The following QPCT variants were observed in gnomAD, a reference collection of about 807,000 sequenced individuals.
QPCT encodes the protein EC.
A neutral mutation model predicts 43.4 loss-of-function variants in QPCT; 44 were observed. That is an observed-to-expected ratio of 1.01 (90% CI 0.80 to 1.30). The LOEUF is 1.30. QPCT is among the 50% of genes most tolerant of loss of function. QPCT has a pLI of 0.00. For synonymous variants in QPCT, 168 were observed against 168.4 expected (o/e 1.00, Z 0.02); for missense variants, 526 against 436.5 (o/e 1.21, Z -1.83).
chr2:37,357,733 A>G (rs1005676482), intron 2 of QPCT, among the ~76,000 whole-genome samples: 1 of 152,114 alleles, frequency 6.6e-6, no homozygotes, highest in African/African-American at 2.4e-5. Context: ...CGACTGTAGG[A>G]TCAGTGTCCT....
intron 1 of QPCT, among the ~76,000 whole-genome samples, chr2:37,347,209 TATATATAAC>T (rs1672519407): frequency 1.0e-5 from 1 of 97,564 alleles, no homozygotes; most frequent in Non-Finnish European, 1.9e-5. Context: ...ATATATAACA[TATATATAAC>T]ATATATATAT....
At chr2:37,351,072 A>G (rs1272204539) in intron 1 of QPCT, among the ~76,000 whole-genome samples, 1 of 152,240 alleles carries the variant, frequency 6.6e-6, no homozygotes, top group Non-Finnish European at 1.5e-5. Flanking sequence ...CTCGGAGTAT[A>G]GATGAGTGTA....
intron 5 of QPCT, 126 bp from the exon 6 acceptor site, chr2:37,372,230 G>A: frequency 1.3e-6 from 1 of 740,998 alleles, no homozygotes; most frequent in South Asian, 1.6e-5. Context: ...CATGCTTGCT[G>A]TTGCATAATC....
intron 3 of QPCT, among the ~76,000 whole-genome samples, chr2:37,366,611 G>T (rs534467963): frequency 6.6e-6 from 1 of 152,200 alleles, no homozygotes; most frequent in African/African-American, 2.4e-5. Context: ...CCCAAGAAGC[G>T]CCCTCTGACA....
chr2:37,345,631 C>G (rs1447259113), intron 1 of QPCT, among the ~76,000 whole-genome samples: 1 of 151,800 alleles, frequency 6.6e-6, no homozygotes, highest in Non-Finnish European at 1.5e-5. Context: ...GTCAGGAGAT[C>G]GAGACCATCA....
In QPCT at chr2:37,372,933, C is replaced by A; in HGVS notation, c.*106C>A. ...ACAAATGCTGTGTGGAAACATCTAT[C>A]CTATAGATCATCCTATTCTTATGTG... On this transcript the variant is annotated 3_prime_UTR_variant, in exon 7 of 7. Transcript: ENST00000338415. 8.4e-6 allele frequency: 8 copies of A among 949,584 alleles called. No individual in the cohort carries two copies. The highest frequency in any genetic ancestry group is 1.1e-5 in the Non-Finnish European group (7 of 653,730). 58.8% of individuals were successfully genotyped at this position (949,584 alleles called of 1,614,324 possible).
chr2:37,345,272 A>C (rs1040925830), intron 1 of QPCT, among the ~76,000 whole-genome samples: 4 of 151,332 alleles, frequency 2.6e-5, no homozygotes, highest in Non-Finnish European at 5.9e-5. Context: ...GTGTGCCCAC[A>C]GCCCCCCCGC....
At chr2:37,362,596 G>A (rs1672874398) in intron 3 of QPCT, among the ~76,000 whole-genome samples, 1 of 152,184 alleles carries the variant, frequency 6.6e-6, no homozygotes, top group African/African-American at 2.4e-5. Flanking sequence ...AAAACAATCA[G>A]GGAAACTCCA....
chr2:37,367,047 CTG>C (rs1326651427), intron 3 of QPCT, 183 bp from the exon 4 acceptor site: 1 of 604,382 alleles, frequency 1.7e-6, no homozygotes, highest in Admixed American at 3.1e-5. Flanking sequence ...TGGGTGAAGA[CTG>C]TGGGAGGTGT....
At chr2:37,359,512 A>C in intron 2 of QPCT, 68 bp from the exon 3 acceptor site, 1 of 1,451,882 alleles carries the variant, frequency 6.9e-7, no homozygotes, top group Admixed American at 2.2e-5. Flanking sequence ...TTAAAATTTC[A>C]GAATCACAGT....
At chr2:37,345,124 A>G (rs2124928348) in intron 1 of QPCT, among the ~76,000 whole-genome samples, 1 of 152,236 alleles carries the variant, frequency 6.6e-6, no homozygotes, top group South Asian at 2.1e-4. Context: ...GGGTGCTGAT[A>G]GGCACAGGAA....
At position 37,357,724 on chromosome 2, in the gene QPCT, G is replaced by A. The variant is rs185263520; in HGVS notation, c.268-1856G>A. 1.1e-4 allele frequency among the ~76,000 whole-genome samples: 16 copies of A among 152,248 alleles called. No individual in the cohort carries two copies. The East Asian group carries it at 2.1e-3, about 20-fold the overall frequency. ...TTGTTTAGTTGGCTTTTGCAGGACC[G>A]ACTGTAGGATCAGTGTCCTCCCACT... On this transcript the variant is annotated intron_variant, in intron 2 of 6. Coordinates refer to ENST00000338415, the MANE Select transcript of QPCT (RefSeq NM_012413.4).
intron 3 of QPCT, among the ~76,000 whole-genome samples, chr2:37,365,845 A>T (rs2124940944): frequency 6.6e-6 from 1 of 152,310 alleles, no homozygotes; most frequent in South Asian, 2.1e-4. Context: ...GAGTGACTGA[A>T]CTAAGAAAAT....
chr2:37,355,286 G>A (rs1355874800), intron 2 of QPCT, among the ~76,000 whole-genome samples: 1 of 152,168 alleles, frequency 6.6e-6, no homozygotes, highest in Non-Finnish European at 1.5e-5. Flanking sequence ...CATTTTGAAA[G>A]TGAGGTACAT....
intron 4 of QPCT, chr2:37,368,574 C>G: frequency 2.1e-6 from 1 of 471,102 alleles, no homozygotes; most frequent in Admixed American, 2.3e-5. Context: ...CATTCTGTGT[C>G]CTCTGTGACC....
At chr2:37,369,342 G>T (rs894105649) in intron 4 of QPCT, among the ~76,000 whole-genome samples, 1 of 152,248 alleles carries the variant, frequency 6.6e-6, no homozygotes, top group African/African-American at 2.4e-5. Flanking sequence ...TAGAAGATCA[G>T]ATAGGCTTGG....
At chr2:37,344,907 C>T (rs1021950595) in intron 1 of QPCT, 56 bp downstream of exon 1, 17 of 1,489,272 alleles carry the variant, frequency 1.1e-5, no homozygotes, top group African/African-American at 2.9e-5. Context: ...GATGCGAGGA[C>T]CCCTGGCCGG....
Position 37,368,364 on chromosome 2 carries a change from G to A in QPCT, c.723+956G>A, listed in dbSNP as rs1038507667. The A allele has an allele frequency of 5.9e-4, 80 of 135,628 alleles. No individual in the cohort carries two copies. The Admixed American group carries it at 8.6e-3, about 15-fold the overall frequency. 8.4% of individuals were successfully genotyped at this position (135,628 alleles called of 1,614,324 possible). A position where few individuals can be genotyped will look rare whatever the true frequency, so the allele number is the denominator to read the frequency against. ...TGACTCTGACTCTCTTCCCATATTT[G>A]ATCTTCTTTCTGTCCCCACGTCTTC... On this transcript the variant is annotated intron_variant, in intron 4 of 6. Coordinates refer to ENST00000338415, the MANE Select transcript of QPCT (RefSeq NM_012413.4).
In QPCT at chr2:37,344,844, A is replaced by G; in HGVS notation, c.113A>G (p.Glu38Gly). The G allele has an allele frequency of 6.3e-7, 1 of 1,593,174 alleles. No homozygotes were observed. The highest frequency in any genetic ancestry group is 1.7e-4 in the Middle Eastern group (1 of 5,946). ...GVSPSASAWPEEKNYHQPAIL... is the reference protein window; with the variant it reads ...GVSPSASAWPGEKNYHQPAIL... ...AGTCCGAGTGCCTCAGCCTGGCCAGAGGAGAAGGTGAGGGGCTGTTTCTGC... is the reference window on the plus strand; with the variant it reads ...AGTCCGAGTGCCTCAGCCTGGCCAGGGGAGAAGGTGAGGGGCTGTTTCTGC... The change falls in exon 1 of 7, where the codon GAG becomes GGG. Residue 38 changes from glutamate (E) to glycine (G), a missense_variant. Physicochemically the swap from Glu to Gly is moderately conservative, Grantham distance 98 (BLOSUM62 -2). Coordinates refer to ENST00000338415, the MANE Select transcript of QPCT (RefSeq NM_012413.4).
Sources: allele counts gnomAD v4.1 joint callset (sites outside exome capture counted in the v4.1 genomes callset), GRCh38; gene constraint gnomAD v4.1.1; transcripts MANE v1.5; gene names NCBI Gene and HGNC (gene_info 2026-07-23, HGNC 2026-07-21).